The following SON variants were observed in gnomAD, a reference collection of about 807,000 sequenced individuals.
SON encodes SON DNA and RNA binding protein.
SON carries 4 observed loss-of-function variants against 173.3 expected under a neutral mutation model. The ratio of observed to expected loss-of-function variants is 0.02; its 90% CI spans 0.01 to 0.05. The LOEUF is 0.05. SON is among the 10% of genes least tolerant of loss of function. The probability of loss-of-function intolerance (pLI) is 1.00; values close to 1 mark genes in which losing one functional copy is unlikely to be tolerated. For synonymous variants in SON, 1,190 were observed against 1,105.9 expected, an observed-to-expected ratio of 1.08 and a Z score of -1.51; for missense variants, 2,626 against 3,055.3, an observed-to-expected ratio of 0.86 and a Z score of 3.31.
chr21:33,571,804 T>C, intron 8 of SON: 1 of 152,558 alleles, frequency 6.6e-6, no homozygotes, highest in Non-Finnish European at 1.5e-5. Flanking sequence ...TAAAAGACAT[T>C]CTAGGTGTGT....
intron 3 of SON, among the ~76,000 whole-genome samples, chr21:33,555,621 T>A (rs2085951911): frequency 6.6e-6 from 1 of 152,188 alleles, no homozygotes; most frequent in African/African-American, 2.4e-5. Context: ...GGTGTTTCCA[T>A]ATTTGAATGT....
chr21:33,568,511 G>A (rs1403418829), intron 7 of SON, among the ~76,000 whole-genome samples: 1 of 152,160 alleles, frequency 6.6e-6, no homozygotes, highest in African/African-American at 2.4e-5. Flanking sequence ...AAAAATAGTC[G>A]TTTATGTATT....
chr21:33,558,143 A>G (rs1193031005), intron 4 of SON: 1 of 152,974 alleles, frequency 6.5e-6, no homozygotes, highest in Non-Finnish European at 1.5e-5. Context: ...TTTTGGCGAA[A>G]TGAGCTTTTT....
At chr21:33,561,194 C>T (rs1457254289) in intron 6 of SON, among the ~76,000 whole-genome samples, 1 of 152,110 alleles carries the variant, frequency 6.6e-6, no homozygotes, top group African/African-American at 2.4e-5. Flanking sequence ...GCAAGTTATG[C>T]CATCACCAGT....
At position 33,576,651 on chromosome 21, in the gene SON, T is replaced by C; in HGVS notation, c.*227T>C. On this transcript the variant is annotated 3_prime_UTR_variant, in exon 12 of 12. Coordinates refer to ENST00000356577, the MANE Select transcript of SON (RefSeq NM_138927.4). Reference sequence around the variant, plus strand: ...TATTTCCTCTTTAATGTTGTAAATATTTGGCAATTTAAGACATTGTGTAAA... The same window carrying C: ...TATTTCCTCTTTAATGTTGTAAATACTTGGCAATTTAAGACATTGTGTAAA... 3 of 642,806 alleles carry C rather than the reference T, an allele frequency of 4.7e-6. No individual in the cohort carries two copies. In the East Asian group the frequency reaches 8.6e-5, roughly 19 times the overall value. 39.8% of individuals were successfully genotyped at this position (642,806 alleles called of 1,614,324 possible).
chr21:33,574,855 G>C (rs2086364039), intron 9 of SON, among the ~76,000 whole-genome samples: 1 of 152,130 alleles, frequency 6.6e-6, no homozygotes, highest in South Asian at 2.1e-4. Flanking sequence ...TTCATATTTT[G>C]AGAACATCTC....
rs779070985 is a variant in SON at position 33,554,540 on chromosome 21, C to T, written c.5309C>T (p.Pro1770Leu). The T allele has an allele frequency of 9.3e-6, 15 of 1,613,530 alleles. No homozygotes were observed. Among genetic ancestry groups the T allele is most frequent in the Admixed American group, 3.3e-5 (2 of 59,970 alleles). ...GGACGTGACAGATCTGCTGCCAGCC[C>T]GGTTGTAAGTAGTATGCCAGAAAGA... is the stretch of plus-strand genomic sequence containing the variant. ...DVGRDRSAAS[P>L]VVSSMPERAS... The change falls in exon 3 of 12, where the codon CCG (proline) becomes CTG (leucine). Residue 1770 changes from proline (P) to leucine (L), a missense_variant. Transcript: ENST00000356577.
chr21:33,570,642 AAT>A (rs2086264561), intron 8 of SON, among the ~76,000 whole-genome samples: 1 of 152,174 alleles, frequency 6.6e-6, no homozygotes, highest in Non-Finnish European at 1.5e-5. Flanking sequence ...TATTTGAAAA[AAT>A]GTCTTTCATC....
chr21:33,562,331 A>G (rs2086084982), intron 6 of SON, among the ~76,000 whole-genome samples: 1 of 152,166 alleles, frequency 6.6e-6, no homozygotes, highest in Non-Finnish European at 1.5e-5. Context: ...GAGTAAAAGG[A>G]GATAGTTCTT....
chr21:33,573,098 T>A (rs1282599517), intron 8 of SON: 1 of 426,034 alleles, frequency 2.3e-6, no homozygotes. Flanking sequence ...TTACTTGTCT[T>A]ATTTGACTTC....
intron 8 of SON, among the ~76,000 whole-genome samples, chr21:33,571,250 G>T (rs1433810132): frequency 6.6e-6 from 1 of 152,116 alleles, no homozygotes; most frequent in Non-Finnish European, 1.5e-5. Context: ...AATTAAAAAT[G>T]GGCCACAACA....
Position 33,551,028 on chromosome 21 carries a change from G to A in SON, c.1797G>A (p.Pro599=), listed in dbSNP as rs1259425329. 4.3e-6 allele frequency: 7 copies of A among 1,610,654 alleles called. No individual in the cohort carries two copies. Among genetic ancestry groups the A allele is most frequent in the Admixed American group, 1.7e-5 (1 of 59,440 alleles). The change falls in exon 3 of 12, where the codon CCG becomes CCA. Residue 599 remains proline (P), a synonymous_variant. Transcript: ENST00000356577. ...VATGALELPG[P]LMAAGALEFS... ...CTGGGGCACTAGAGTTGCCTGGGCCGCTCATGGCAGCTGGGGCACTGGAGT... is the reference window on the plus strand; with the variant it reads ...CTGGGGCACTAGAGTTGCCTGGGCCACTCATGGCAGCTGGGGCACTGGAGT...
In SON at chr21:33,559,553, T is replaced by C; in HGVS notation, c.6469-34T>C. 6.3e-7 allele frequency: 1 copy of C among 1,577,848 alleles called. No individual in the cohort carries two copies. The highest frequency in any genetic ancestry group is 8.6e-7 in the Non-Finnish European group (1 of 1,160,336). On this transcript the variant is annotated intron_variant, in intron 5 of 11. Coordinates refer to ENST00000356577, the MANE Select transcript of SON (RefSeq NM_138927.4). The surrounding 1 kb of genome is among the most constrained non-coding windows in gnomAD (Gnocchi z 4.1). The stretch of plus-strand genomic sequence containing the variant: ...CAAACCATTTAATGTAGATATCATA[T>C]TGAGCTTTAATTAAGAAACACTTTA...
In SON at chr21:33,560,419, A is replaced by G. The variant is rs1172704715; in HGVS notation, c.6657+644A>G. On this transcript the variant is annotated intron_variant, in intron 6 of 11. Coordinates refer to ENST00000356577, the MANE Select transcript of SON (RefSeq NM_138927.4). ...CTCCTTCCCCTCTTTGCTACTATTAAAAGTCGGAGAAGTGGAATTCAAACG... is the reference window on the plus strand; with the variant it reads ...CTCCTTCCCCTCTTTGCTACTATTAGAAGTCGGAGAAGTGGAATTCAAACG... The G allele has an allele frequency of 2.7e-6, 3 of 1,099,906 alleles. No individual in the cohort carries two copies. In the African/African-American group the frequency reaches 4.9e-5, roughly 18 times the overall value. 68.1% of individuals were successfully genotyped at this position (1,099,906 alleles called of 1,614,324 possible).
At position 33,552,654 on chromosome 21, in the gene SON, A is replaced by G. The variant is rs759855018; in HGVS notation, c.3423A>G (p.Thr1141=). Residue 1141 remains threonine, a synonymous_variant, in exon 3 of 12, where the codon ACA becomes ACG. Transcript: ENST00000356577. The surrounding 1 kb of genome is among the most constrained non-coding windows in gnomAD (Gnocchi z 5.6). ...SYTDSYTDTY[T]EAYMVPPLPP... ...CCGATTCTTACACTGACACATATACAGAGGCATATATGGTGCCACCTTTGC... is the reference window on the plus strand; with the variant it reads ...CCGATTCTTACACTGACACATATACGGAGGCATATATGGTGCCACCTTTGC... 4 of 1,614,142 alleles carry G rather than the reference A, an allele frequency of 2.5e-6. No homozygotes were observed. The South Asian group carries it at 3.3e-5, about 13-fold the overall frequency.
intron 7 of SON, 58 bp from the exon 8 acceptor site, chr21:33,568,913 A>C: frequency 1.1e-6 from 1 of 922,982 alleles, no homozygotes; most frequent in Non-Finnish European, 1.7e-6. Context: ...AATTATTACC[A>C]GTGATGTTTT....
chr21:33,562,883 G>A (rs1325958138), intron 6 of SON, among the ~76,000 whole-genome samples: 6 of 152,200 alleles, frequency 3.9e-5, no homozygotes, highest in African/African-American at 7.2e-5. Flanking sequence ...AACTATTAGT[G>A]TGGAGTTTTC....
rs1414259043 is a variant in SON, at chr21:33,553,101, C to T, written c.3870C>T (p.Ala1290=). Residue 1290 remains alanine, a synonymous_variant, in exon 3 of 12, where the codon GCC becomes GCT. Coordinates refer to ENST00000356577, the MANE Select transcript of SON (RefSeq NM_138927.4). ...PVTCMVSETP[A]MSAEPTVLAS... is the part of the protein sequence containing the mutation. ...CTTGTATGGTATCTGAAACTCCCGC[C>T]ATGTCAGCTGAACCAACTGTGTTAG... is the stretch of plus-strand genomic sequence containing the variant. The T allele has an allele frequency of 2.5e-6, 4 of 1,614,184 alleles. No individual in the cohort carries two copies. The highest frequency in any genetic ancestry group is 2.5e-6 in the Non-Finnish European group (3 of 1,180,040).
chr21:33,552,078 T>C lies in SON; in HGVS notation c.2847T>C (p.Tyr949=), dbSNP rs374073129. Residue 949 remains tyrosine, a synonymous_variant, in exon 3 of 12, where the codon TAT becomes TAC. Coordinates refer to ENST00000356577, the MANE Select transcript of SON (RefSeq NM_138927.4). The surrounding 1 kb of genome is among the most constrained non-coding windows in gnomAD (Gnocchi z 5.6). Reference sequence around the variant, plus strand: ...CTTACAGGTTAGGACAAGACCCTTATAGATTAGGCCATGATCCCTACAGAC... The same window carrying C: ...CTTACAGGTTAGGACAAGACCCTTACAGATTAGGCCATGATCCCTACAGAC... ...HDAYRLGQDP[Y]RLGHDPYRLT... 5.4e-5 allele frequency: 87 copies of C among 1,614,018 alleles called. No homozygotes were observed. The African/African-American group carries it at 7.2e-4, about 13-fold the overall frequency.
Sources: allele counts gnomAD v4.1 joint callset (sites outside exome capture counted in the v4.1 genomes callset), GRCh38; gene constraint gnomAD v4.1.1; non-coding constraint Gnocchi (gnomAD v3.1); transcripts MANE v1.5; gene names NCBI Gene and HGNC (gene_info 2026-07-23, HGNC 2026-07-21).